C11orf65: variants seen among roughly 807,000 people sequenced by gnomAD.
C11orf65 encodes the protein protein MFI.
In C11orf65, 38 loss-of-function variants were observed where a neutral mutation model predicts 35.3. The ratio of observed to expected loss-of-function variants is 1.08; its 90% confidence interval spans 0.83 to 1.41. C11orf65 has a LOEUF of 1.41. Ranked by LOEUF, C11orf65 falls within the 40% of genes most tolerant of loss-of-function variation. The probability of loss-of-function intolerance (pLI) is 0.00; values close to 1 mark genes in which losing one functional copy is unlikely to be tolerated. For missense variants in C11orf65, 370 were observed against 367.1 expected (o/e 1.01, Z -0.06); for synonymous variants, 105 against 114.4 (o/e 0.92, Z 0.53).
intron 2 of C11orf65, among the ~76,000 whole-genome samples, chr11:108,371,368 A>G (rs1423591490): frequency 1.3e-5 from 2 of 152,166 alleles, no homozygotes; most frequent in African/African-American, 4.8e-5. Context: ...TTCTATACCC[A>G]TTAAACAACT....
At chr11:108,340,186 T>A (rs1281971244) in intron 2 of C11orf65, 1 of 152,144 alleles carries the variant, frequency 6.6e-6, no homozygotes, top group Non-Finnish European at 1.5e-5. Context: ...TATGGAAAAT[T>A]TCAAACATAC....
rs2137353155 is a variant in C11orf65 at position 108,354,865 on chromosome 11, C to T, written c.227-19573G>A. 6.2e-7 allele frequency: 1 copy of T among 1,612,702 alleles called. No homozygotes were observed. The highest frequency in any genetic ancestry group is 8.5e-7 in the Non-Finnish European group (1 of 1,178,806). ...GAAACTCTCAGGAAACTCTGTTAAC[C>T]ATTGTAGAGGTAAAGTATTTTATAA... is the stretch of plus-strand genomic sequence containing the variant. On this transcript the variant is annotated intron_variant, in intron 2 of 3. Coordinates refer to the C11orf65 transcript ENST00000524755.
chr11:108,450,177 T>A (rs560069973), intron 2 of C11orf65, among the ~76,000 whole-genome samples: 1 of 151,978 alleles, frequency 6.6e-6, no homozygotes, highest in Non-Finnish European at 1.5e-5. Flanking sequence ...ACTTTTACAC[T>A]GTTGGTGGGA....
At chr11:108,434,797 G>GA (rs2093039114) in intron 2 of C11orf65, among the ~76,000 whole-genome samples, 1 of 152,196 alleles carries the variant, frequency 6.6e-6, no homozygotes, top group Non-Finnish European at 1.5e-5. Flanking sequence ...TGTGTACTTT[G>GA]AAAATGCTTT....
intron 6 of C11orf65, among the ~76,000 whole-genome samples, chr11:108,399,845 C>A (rs1266237058): frequency 6.6e-6 from 1 of 152,190 alleles, no homozygotes; most frequent in Non-Finnish European, 1.5e-5. Context: ...CAGTCTCTAC[C>A]AGGACCAATT....
intron 2 of C11orf65, among the ~76,000 whole-genome samples, chr11:108,444,339 A>T (rs1163924129): frequency 1.3e-5 from 2 of 151,832 alleles, no homozygotes; most frequent in Middle Eastern, 3.2e-3. Context: ...CCTACCAACC[A>T]AAAAAAAGTC....
chr11:108,321,219 C>T lies in C11orf65; in HGVS notation c.641-12148G>A, dbSNP rs184844807. 2.8e-5 allele frequency: 44 copies of T among 1,571,010 alleles called. No individual in the cohort carries two copies. The African/African-American group carries it at 5.0e-4, about 18-fold the overall frequency. ...TCAGTAGCAAAGCCTATGATGAGAA[C>T]TCTTTAACAACAAATTTAAACATTT... On this transcript the variant is annotated intron_variant, in intron 6 of 6. Transcript: ENST00000525729.
downstream of C11orf65, among the ~76,000 whole-genome samples, chr11:108,326,433 G>T (rs1390973461): frequency 5.3e-5 from 8 of 152,156 alleles, no homozygotes; most frequent in Admixed American, 3.3e-4. Flanking sequence ...AGTCCATCAT[G>T]TGGTCGATTC....
intron 6 of C11orf65, among the ~76,000 whole-genome samples, chr11:108,318,661 C>T (rs1443182586): frequency 6.6e-6 from 1 of 151,998 alleles, no homozygotes; most frequent in African/African-American, 2.4e-5. Flanking sequence ...TGCACCCCAG[C>T]CTGGGCGACA....
chr11:108,426,314 A>G (rs372974352), intron 3 of C11orf65, among the ~76,000 whole-genome samples: 1 of 152,156 alleles, frequency 6.6e-6, no homozygotes, highest in East Asian at 1.9e-4. Context: ...AGGACACACA[A>G]TCAATCTGCA....
intron 7 of C11orf65, 42 bp downstream of exon 7, chr11:108,393,163 TATG>T (rs2092208819): frequency 2.0e-5 from 31 of 1,539,346 alleles, no homozygotes; most frequent in Non-Finnish European, 2.6e-5. Context: ...AGAAAAAAAC[TATG>T]ATGACTGCCC....
chr11:108,466,190 A>G (rs1379476273), intron 1 of C11orf65, among the ~76,000 whole-genome samples: 3 of 152,174 alleles, frequency 2.0e-5, no homozygotes, highest in South Asian at 2.1e-4. Context: ...CTGGCTTTAG[A>G]TAAGAAATAA....
chr11:108,330,285 A>C (rs1475262731), downstream of C11orf65: 1 of 1,614,214 alleles, frequency 6.2e-7, no homozygotes, highest in South Asian at 1.1e-5. Flanking sequence ...GAGGATCGTA[A>C]ACGCTTCTTA....
intron 6 of C11orf65, among the ~76,000 whole-genome samples, chr11:108,316,459 T>G (rs572373781): frequency 2.0e-5 from 3 of 152,202 alleles, no homozygotes; most frequent in Non-Finnish European, 4.4e-5. Context: ...AAATCTTATG[T>G]AAACTATTTC....
rs730881322 is a variant in C11orf65 at position 108,343,249 on chromosome 11, G to A, written c.227-7957C>T. On this transcript the variant is annotated intron_variant, in intron 2 of 3. Coordinates refer to the C11orf65 transcript ENST00000524755. ...GGTTCCCCTCTCTCAGCGAAGTGGT[G>A]TTCTTGAATGGTGCACAGGAACTGT... 6.2e-7 allele frequency: 1 copy of A among 1,614,008 alleles called. No individual in the cohort carries two copies. The highest frequency in any genetic ancestry group is 8.5e-7 in the Non-Finnish European group (1 of 1,179,928).
intron 2 of C11orf65, among the ~76,000 whole-genome samples, chr11:108,448,184 C>T (rs2093292844): frequency 6.6e-6 from 1 of 152,230 alleles, no homozygotes; most frequent in South Asian, 2.1e-4. Context: ...GATGGATTCA[C>T]AGCTGAATTC....
chr11:108,333,235 C>T (rs970878720), intron 3 of C11orf65, among the ~76,000 whole-genome samples: 4 of 151,892 alleles, frequency 2.6e-5, no homozygotes, highest in Admixed American at 6.6e-5. Flanking sequence ...TTTTTTTAAA[C>T]GATGTGGTTA....
At chr11:108,340,433 A>G (rs1247235664) in intron 2 of C11orf65, 1 of 152,190 alleles carries the variant, frequency 6.6e-6, no homozygotes, top group African/African-American at 2.4e-5. Context: ...ACAATTCACA[A>G]AAATTCCTAA....
downstream of C11orf65, among the ~76,000 whole-genome samples, chr11:108,377,926 G>GATGTGA (rs1377712025): frequency 1.3e-5 from 2 of 151,924 alleles, no homozygotes; most frequent in East Asian, 3.9e-4. Context: ...ACTTACAAGG[G>GATGTGA]ATGTGAAGGA....
Sources: allele counts gnomAD v4.1 joint callset (sites outside exome capture counted in the v4.1 genomes callset), GRCh38; gene constraint gnomAD v4.1.1; transcripts MANE v1.5; gene names NCBI Gene and HGNC (gene_info 2026-07-23, HGNC 2026-07-21).